The following CFAP299 variants were observed in gnomAD, a reference collection of about 807,000 sequenced individuals.
The protein encoded by CFAP299 is cilia- and flagella-associated protein 299.
CFAP299 carries 21 observed loss-of-function variants against 27.0 expected under a neutral mutation model. The observed-to-expected ratio is 0.78, with a 90% confidence interval of 0.55 to 1.12. CFAP299 has a LOEUF of 1.12. Ranked by LOEUF, CFAP299 falls within the 50% of genes most tolerant of loss-of-function variation. The pLI is 0.00. For synonymous variants in CFAP299, 104 were observed against 98.1 expected (o/e 1.06, Z -0.36); for missense variants, 310 against 276.6 (o/e 1.12, Z -0.86).
intron 2 of CFAP299, among the ~76,000 whole-genome samples, chr4:80,564,376 T>C (rs1164054754): frequency 1.3e-5 from 2 of 152,034 alleles, no homozygotes; most frequent in African/African-American, 4.8e-5. Flanking sequence ...TGTTTCAACA[T>C]ATGCAAGTCA....
At chr4:80,680,304 C>T (rs1719759188) in intron 3 of CFAP299, among the ~76,000 whole-genome samples, 1 of 152,040 alleles carries the variant, frequency 6.6e-6, no homozygotes, top group Admixed American at 6.6e-5. Flanking sequence ...TCTTAATTTC[C>T]ATTTAAATAA....
intron 2 of CFAP299, among the ~76,000 whole-genome samples, chr4:80,432,219 T>G (rs1280087893): frequency 1.3e-5 from 2 of 152,132 alleles, no homozygotes; most frequent in Non-Finnish European, 2.9e-5. Flanking sequence ...TGGTGCCATC[T>G]CAGCTCACTG....
At chr4:80,482,061 A>T (rs1730593792) in intron 2 of CFAP299, among the ~76,000 whole-genome samples, 1 of 152,036 alleles carries the variant, frequency 6.6e-6, no homozygotes, top group Admixed American at 6.6e-5. Flanking sequence ...TAATAAAAAA[A>T]GTGGAAGAGT....
the CFAP299 span, among the ~76,000 whole-genome samples, chr4:80,329,696 T>C: frequency 6.6e-6 from 1 of 152,132 alleles, no homozygotes; most frequent in African/African-American, 2.4e-5. Flanking sequence ...TGATTTTTTT[T>C]CCCTTTCTAT....
At chr4:80,563,130 A>G (rs919214555) in intron 2 of CFAP299, among the ~76,000 whole-genome samples, 2 of 152,122 alleles carry the variant, frequency 1.3e-5, no homozygotes, top group African/African-American at 4.8e-5. Context: ...TCAGCATTGG[A>G]TAGATCATCC....
At chr4:80,579,838 A>T (rs545609486) in intron 2 of CFAP299, among the ~76,000 whole-genome samples, 3 of 152,220 alleles carry the variant, frequency 2.0e-5, no homozygotes, top group Non-Finnish European at 4.4e-5. Flanking sequence ...TAATTTAAAA[A>T]ACCTTGAAGG....
At chr4:80,642,212 G>A (rs1183274037) in intron 3 of CFAP299, among the ~76,000 whole-genome samples, 1 of 152,168 alleles carries the variant, frequency 6.6e-6, no homozygotes. Flanking sequence ...TACAGGCAAA[G>A]GCATCTGGTT....
intron 2 of CFAP299, among the ~76,000 whole-genome samples, chr4:80,543,713 C>T (rs966959947): frequency 5.9e-5 from 9 of 152,210 alleles, no homozygotes; most frequent in Non-Finnish European, 1.3e-4. Context: ...AGAATCTTAT[C>T]GTTCTGCATT....
intron 4 of CFAP299, among the ~76,000 whole-genome samples, chr4:80,937,451 G>A (rs1736970270): frequency 6.7e-6 from 1 of 149,898 alleles, no homozygotes; most frequent in Non-Finnish European, 1.5e-5. Context: ...TGAGTTTCTG[G>A]GGCTACAGTT....
intron 1 of CFAP299, among the ~76,000 whole-genome samples, chr4:80,356,560 T>C (rs1423791557): frequency 6.6e-6 from 1 of 152,052 alleles, no homozygotes; most frequent in Admixed American, 6.6e-5. Context: ...CCTCCCTTGT[T>C]AGCTGTATTC....
intron 2 of CFAP299, among the ~76,000 whole-genome samples, chr4:80,396,794 A>G (rs1725821181): frequency 6.6e-6 from 1 of 152,166 alleles, no homozygotes; most frequent in African/African-American, 2.4e-5. Flanking sequence ...TATTTTACTG[A>G]GGATTTTAGC....
At chr4:80,747,641 A>G (rs1170454604) in intron 3 of CFAP299, among the ~76,000 whole-genome samples, 2 of 152,014 alleles carry the variant, frequency 1.3e-5, no homozygotes, top group Non-Finnish European at 2.9e-5. Context: ...TACTCCACAC[A>G]CTTGACTACA....
At chr4:80,629,709 G>T (rs1739107650) in intron 3 of CFAP299, among the ~76,000 whole-genome samples, 1 of 151,698 alleles carries the variant, frequency 6.6e-6, no homozygotes, top group Non-Finnish European at 1.5e-5. Flanking sequence ...GTGAAACCTG[G>T]TGTCTACTAA....
At chr4:80,355,896 C>A (rs991090004) in intron 1 of CFAP299, among the ~76,000 whole-genome samples, 1 of 152,112 alleles carries the variant, frequency 6.6e-6, no homozygotes, top group African/African-American at 2.4e-5. Context: ...GTGATTTCAT[C>A]ATAAAACCTT....
chr4:80,939,811 G>A (rs1377844617), intron 4 of CFAP299, among the ~76,000 whole-genome samples: 2 of 152,110 alleles, frequency 1.3e-5, no homozygotes, highest in African/African-American at 4.8e-5. Context: ...AGCTTAACTA[G>A]AGATTTTGAG....
At chr4:80,491,305 A>T (rs930536933) in intron 2 of CFAP299, among the ~76,000 whole-genome samples, 3 of 152,286 alleles carry the variant, frequency 2.0e-5, no homozygotes, top group Non-Finnish European at 2.9e-5. Context: ...CATAAAATAA[A>T]GGTAGTAAAT....
intron 3 of CFAP299, among the ~76,000 whole-genome samples, chr4:80,791,053 A>T (rs1237584483): frequency 6.6e-6 from 1 of 152,032 alleles, no homozygotes; most frequent in Non-Finnish European, 1.5e-5. Context: ...CCAAAAACAA[A>T]ACAAAGCAAA....
chr4:80,343,771 G>A (rs554058862), intron 1 of CFAP299, among the ~76,000 whole-genome samples: 74 of 135,442 alleles, frequency 5.5e-4, no homozygotes, highest in Admixed American at 8.5e-4. Flanking sequence ...AGTCCGGTCC[G>A]GCCTGGGCGA....
At chr4:80,610,078 T>C (rs1243366123) in intron 3 of CFAP299, among the ~76,000 whole-genome samples, 1 of 152,118 alleles carries the variant, frequency 6.6e-6, no homozygotes, top group Non-Finnish European at 1.5e-5. Context: ...TTTGCTTACT[T>C]ATTTTATTTT....
Sources: gnomAD v4.1 joint callset for allele counts (sites outside exome capture counted in the v4.1 genomes callset) on GRCh38, gnomAD v4.1.1 for gene constraint, MANE v1.5 for transcripts, NCBI Gene and HGNC (gene_info 2026-07-23, HGNC 2026-07-21) for gene names.